The following B4GALNT2 variants were observed in gnomAD, a reference collection of about 807,000 sequenced individuals.
The protein encoded by B4GALNT2 is beta-1,4-N-acetyl-galactosaminyltransferase 2 (SID blood group).
A neutral mutation model predicts 51.1 loss-of-function variants in B4GALNT2; 42 were observed. The ratio of observed to expected loss-of-function variants is 0.82; its 90% CI spans 0.64 to 1.06. The LOEUF is 1.06. B4GALNT2 is among the 50% of genes least tolerant of loss of function. The pLI, the probability that B4GALNT2 is intolerant of heterozygous loss-of-function variation, is 0.00. For synonymous variants in B4GALNT2, 253 were observed against 251.7 expected (o/e 1.01, Z -0.05); for missense variants, 602 against 633.6 (o/e 0.95, Z 0.54).
chr17:49,152,948 C>A, intron 4 of B4GALNT2, 42 bp downstream of exon 4: 1 of 1,533,048 alleles, frequency 6.5e-7, no homozygotes, highest in Non-Finnish European at 8.9e-7. Flanking sequence ...ACAACATTCT[C>A]ACTCTTCTAA....
chr17:49,143,757 G>A (rs1377790442), intron 3 of B4GALNT2, among the ~76,000 whole-genome samples: 2 of 152,200 alleles, frequency 1.3e-5, no homozygotes, highest in Non-Finnish European at 2.9e-5. Context: ...TCTGGTGAAG[G>A]CTTCTTGCTA....
chr17:49,159,290 C>T, intron 6 of B4GALNT2, 73 bp downstream of exon 6: 1 of 1,457,756 alleles, frequency 6.9e-7, no homozygotes. Context: ...CAAAGTCTTC[C>T]TCCTTCAGGA....
intron 5 of B4GALNT2, among the ~76,000 whole-genome samples, chr17:49,158,628 C>A (rs2042832186): frequency 1.8e-5 from 2 of 111,818 alleles, no homozygotes; most frequent in Non-Finnish European, 3.5e-5. Context: ...CAGAGCAAGA[C>A]TCCATCTCAA....
chr17:49,142,276 C>G, intron 3 of B4GALNT2, 104 bp downstream of exon 3: 1 of 1,427,858 alleles, frequency 7.0e-7, no homozygotes, highest in Non-Finnish European at 9.6e-7. Flanking sequence ...GGAATTCTCT[C>G]TCTTGCAAGG....
intron 4 of B4GALNT2, among the ~76,000 whole-genome samples, chr17:49,153,575 C>T (rs1414805928): frequency 4.0e-5 from 6 of 151,478 alleles, no homozygotes; most frequent in South Asian, 2.1e-4. Flanking sequence ...AGCATGATCT[C>T]GGGTCACTGC....
the B4GALNT2 span, among the ~76,000 whole-genome samples, chr17:49,123,977 T>A: frequency 2.0e-5 from 3 of 152,206 alleles, no homozygotes; most frequent in African/African-American, 7.2e-5. Context: ...CTTATGCAAA[T>A]AACTATATTG....
chr17:49,140,359 C>G (rs1017435513), intron 1 of B4GALNT2, among the ~76,000 whole-genome samples: 2 of 152,126 alleles, frequency 1.3e-5, no homozygotes, highest in African/African-American at 2.4e-5. Context: ...CTTGGCCTCC[C>G]GAAGTGCTGG....
upstream of B4GALNT2, among the ~76,000 whole-genome samples, chr17:49,129,896 T>C (rs1242661094): frequency 6.6e-6 from 1 of 152,142 alleles, no homozygotes. Flanking sequence ...TGGATTTAGG[T>C]GGTTTTTGAT....
At chr17:49,150,250 G>A (rs1234848241) in intron 3 of B4GALNT2, among the ~76,000 whole-genome samples, 1 of 146,194 alleles carries the variant, frequency 6.8e-6, no homozygotes, top group Non-Finnish European at 1.5e-5. Flanking sequence ...GGGAGGTGGG[G>A]GGGTCAGCCC....
chr17:49,170,009 C>T lies in B4GALNT2; in HGVS notation c.*281C>T, dbSNP rs372128466. 1.0e-4 allele frequency: 32 copies of T among 315,138 alleles called. 1 individual carries two copies. Among genetic ancestry groups the T allele is most frequent in the African/African-American group, 6.6e-4 (31 of 46,912 alleles). 19.5% of individuals were successfully genotyped at this position (315,138 alleles called of 1,614,324 possible). On this transcript the variant is annotated 3_prime_UTR_variant, in exon 11 of 11. Transcript: ENST00000393354. The stretch of plus-strand genomic sequence containing the variant: ...TTGCATGGGCAGTATCTCACATCAT[C>T]TCATCTGATATCACACAAAGATGAC...
At chr17:49,132,472 T>G, upstream of B4GALNT2, 2 of 326,426 alleles carry the variant, frequency 6.1e-6, no homozygotes, top group Non-Finnish European at 5.5e-6. Flanking sequence ...GGCCGCGAGG[T>G]TGGAGGGCAC....
chr17:49,151,697 G>A (rs572493419), intron 3 of B4GALNT2, among the ~76,000 whole-genome samples: 44 of 149,664 alleles, frequency 2.9e-4, no homozygotes, highest in African/African-American at 1.1e-3. Flanking sequence ...AGTGAGCTGA[G>A]ATCGCACCAC....
intron 4 of B4GALNT2, among the ~76,000 whole-genome samples, chr17:49,153,827 G>A (rs2042782404): frequency 6.6e-6 from 1 of 151,456 alleles, no homozygotes. Context: ...TTCATTTCAT[G>A]TTAGCCTTAT....
upstream of B4GALNT2, among the ~76,000 whole-genome samples, chr17:49,131,462 GA>G (rs367790096): frequency 8.9e-3 from 892 of 100,054 alleles, 1 homozygote; most frequent in African/African-American, 0.025. Context: ...CCCAGACTCC[GA>G]AAAAAAAAAA....
intron 3 of B4GALNT2, among the ~76,000 whole-genome samples, chr17:49,142,423 C>T (rs999204749): frequency 1.3e-5 from 2 of 152,176 alleles, no homozygotes; most frequent in African/African-American, 2.4e-5. Context: ...GGATTGGTGA[C>T]ACATGTCTGT....
chr17:49,134,767 T>C (rs1210348144), intron 1 of B4GALNT2, among the ~76,000 whole-genome samples: 1 of 152,068 alleles, frequency 6.6e-6, no homozygotes, highest in African/African-American at 2.4e-5. Flanking sequence ...TCTTTTGTAT[T>C]TTTAGTAGAG....
At chr17:49,139,812 G>A (rs1044633811) in intron 1 of B4GALNT2, among the ~76,000 whole-genome samples, 2 of 151,980 alleles carry the variant, frequency 1.3e-5, no homozygotes, top group East Asian at 1.9e-4. Context: ...CACTATGCCC[G>A]GCGAGGTTAC....
rs2042772018 is a variant in B4GALNT2, at chr17:49,152,826, T to G, written c.380T>G (p.Leu127Arg). ...RREGLPRPLP[L>R]LVQPNLPFGY... The stretch of plus-strand genomic sequence containing the variant: ...GAAGGGCTGCCCCGCCCACTGCCCC[T>G]GCTGGTCCAGCCCAACCTCCCCTTT... Residue 127 changes from leucine to arginine, a missense_variant, in exon 4 of 11, where the codon CTG (leucine) becomes CGG (arginine). Coordinates refer to ENST00000393354, the MANE Select transcript of B4GALNT2 (RefSeq NM_001159387.2). The G allele has an allele frequency of 6.2e-7, 1 of 1,608,576 alleles. No homozygotes were observed. The highest frequency in any genetic ancestry group is 1.3e-5 in the African/African-American group (1 of 74,784).
At chr17:49,157,208 T>C (rs1404080421) in intron 5 of B4GALNT2, among the ~76,000 whole-genome samples, 1 of 152,160 alleles carries the variant, frequency 6.6e-6, no homozygotes, top group African/African-American at 2.4e-5. Context: ...TCACCCAGTC[T>C]GGAGTGCAGT....
Sources: gnomAD v4.1 joint callset for allele counts (sites outside exome capture counted in the v4.1 genomes callset) on GRCh38, gnomAD v4.1.1 for gene constraint, MANE v1.5 for transcripts, NCBI Gene and HGNC (gene_info 2026-07-23, HGNC 2026-07-21) for gene names.